CEP350: variants seen among roughly 807,000 people sequenced by gnomAD.
CEP350 encodes centrosomal protein 350.
A neutral mutation model predicts 331.8 loss-of-function variants in CEP350; 126 were observed. The observed-to-expected ratio is 0.38, with a 90% confidence interval of 0.33 to 0.44. The LOEUF (loss-of-function observed/expected upper bound fraction) is 0.44, where lower values mean the gene tolerates loss of function less well. Among genes scored for constraint, CEP350 ranks in the 20% least tolerant of loss-of-function variants. The probability of loss-of-function intolerance (pLI) is 1.00; values close to 1 mark genes in which losing one functional copy is unlikely to be tolerated. For missense variants in CEP350, 3,406 were observed against 3,634.6 expected (o/e 0.94, Z 1.62); for synonymous variants, 1,200 against 1,259.5 (o/e 0.95, Z 1.00).
chr1:179,955,076 C>T lies in CEP350; in HGVS notation c.-80C>T. The stretch of plus-strand genomic sequence containing the variant: ...GCCCTGGGGCCGGTCGGGGCGGCGT[C>T]ACTGCACCCTCCGCCAGGCTCCGCG... On this transcript the variant is annotated 5_prime_UTR_variant, in exon 1 of 38. Transcript: ENST00000367607. The T allele has an allele frequency of 6.9e-7, 1 of 1,452,294 alleles. No individual in the cohort carries two copies. Among genetic ancestry groups the T allele is most frequent in the Non-Finnish European group, 9.0e-7 (1 of 1,105,620 alleles). 90.0% of individuals were successfully genotyped at this position (1,452,294 alleles called of 1,614,324 possible).
intron 26 of CEP350, among the ~76,000 whole-genome samples, chr1:180,064,120 C>T (rs1658403897): frequency 6.6e-6 from 1 of 152,174 alleles, no homozygotes; most frequent in Non-Finnish European, 1.5e-5. Flanking sequence ...CTCACACCCT[C>T]TCTTCCTTGC....
chr1:180,035,984 G>A (rs1558117265), intron 16 of CEP350, among the ~76,000 whole-genome samples: 1 of 152,182 alleles, frequency 6.6e-6, no homozygotes, highest in Non-Finnish European at 1.5e-5. Context: ...ATGCCATTAA[G>A]AACAGTTGTG....
At chr1:179,989,649 T>A (rs1652907226) in intron 3 of CEP350, among the ~76,000 whole-genome samples, 1 of 152,166 alleles carries the variant, frequency 6.6e-6, no homozygotes, top group Admixed American at 6.5e-5. Context: ...TGCTTTTCAG[T>A]CATTGAGAAC....
In CEP350 at chr1:180,007,894, C is replaced by T. The variant is rs1654369182; in HGVS notation, c.1246+1327C>T. Among the ~76,000 whole-genome samples, 5 of 131,840 alleles carry T rather than the reference C, an allele frequency of 3.8e-5. No individual in the cohort carries two copies. The Admixed American group carries it at 4.1e-4, about 11-fold the overall frequency. 86.5% of individuals were successfully genotyped at this position (131,840 alleles called of 152,430 possible). ...TGTGTGTGTGTTAAGGGGTAATTGA[C>T]ATAAACTGCACATATTTAGAATGTA... On this transcript the variant is annotated intron_variant, in intron 8 of 37. Transcript: ENST00000367607.
intron 21 of CEP350, 68 bp from the exon 22 acceptor site, chr1:180,048,468 T>A (rs2148949026): frequency 9.7e-7 from 1 of 1,033,414 alleles, no homozygotes; most frequent in South Asian, 1.5e-5. Context: ...GCCAAATAAG[T>A]TTACTTTGAA....
At chr1:179,997,537 C>T (rs1481551390) in intron 6 of CEP350, among the ~76,000 whole-genome samples, 3 of 139,474 alleles carry the variant, frequency 2.2e-5, no homozygotes, top group Admixed American at 7.2e-5. Context: ...GAGTGAGACT[C>T]GGTCTCAAAA....
At chr1:180,047,298 G>A (rs934698863) in intron 21 of CEP350, among the ~76,000 whole-genome samples, 9 of 152,108 alleles carry the variant, frequency 5.9e-5, no homozygotes, top group African/African-American at 1.4e-4. Flanking sequence ...TATACGTTTC[G>A]TTTGTTGGCT....
chr1:179,989,493 A>G (rs1652895679), intron 3 of CEP350, among the ~76,000 whole-genome samples: 1 of 151,466 alleles, frequency 6.6e-6, no homozygotes, highest in Non-Finnish European at 1.5e-5. Context: ...AAAAAAAAAA[A>G]AAAAAATCTG....
chr1:179,960,485 T>A (rs989448013), intron 1 of CEP350, among the ~76,000 whole-genome samples: 12 of 152,324 alleles, frequency 7.9e-5, no homozygotes, highest in Non-Finnish European at 1.6e-4. Flanking sequence ...TGAGAAATTT[T>A]AATGGAAACA....
At chr1:180,078,710 T>G in intron 29 of CEP350, 36 bp downstream of exon 29, 3 of 1,522,642 alleles carry the variant, frequency 2.0e-6, no homozygotes, top group Non-Finnish European at 2.6e-6. Context: ...AAAGATTCTC[T>G]AGAAAAAAAA....
chr1:180,053,246 C>T, intron 23 of CEP350, 80 bp downstream of exon 23: 1 of 647,422 alleles, frequency 1.5e-6, no homozygotes, highest in Non-Finnish European at 2.4e-6. Context: ...TTGTACTTAT[C>T]TCATTTGTCA....
chr1:179,995,620 A>G (rs372861443), intron 5 of CEP350, among the ~76,000 whole-genome samples: 2 of 152,144 alleles, frequency 1.3e-5, no homozygotes, highest in Non-Finnish European at 2.9e-5. Context: ...CAATCAATCA[A>G]TCAATCTAAA....
At position 179,958,915 on chromosome 1, in the gene CEP350, A is replaced by G. The variant is rs537598969; in HGVS notation, c.-14+3773A>G. ...TTTGCATGTGAATAGAAAAAGGTCT[A>G]TAAGGATAGACATTAAACATGTTAT... On this transcript the variant is annotated intron_variant, in intron 1 of 37. Coordinates refer to ENST00000367607, the MANE Select transcript of CEP350 (RefSeq NM_014810.5). 7.5e-4 allele frequency among the ~76,000 whole-genome samples: 115 copies of G among 152,348 alleles called. 1 individual carries two copies. The highest frequency in any genetic ancestry group is 2.7e-3 in the African/African-American group (111 of 41,586).
intron 32 of CEP350, among the ~76,000 whole-genome samples, chr1:180,089,500 T>A: frequency 6.6e-6 from 1 of 151,746 alleles, no homozygotes; most frequent in African/African-American, 2.4e-5. Context: ...GGAGCATCGC[T>A]TGAACCCGGG....
intron 27 of CEP350, among the ~76,000 whole-genome samples, chr1:180,068,240 T>C (rs1375350316): frequency 2.0e-5 from 3 of 152,230 alleles, no homozygotes; most frequent in Admixed American, 6.5e-5. Context: ...CAGTAATGCC[T>C]TTGTTGAATA....
Position 180,048,663 on chromosome 1 carries a change from T to A in CEP350, c.4750T>A (p.Ser1584Thr), listed in dbSNP as rs760893782. The change falls in exon 22 of 38, where the codon TCT (serine) becomes ACT (threonine). Residue 1584 changes from serine (S) to threonine (T), a missense_variant. Physicochemically the swap from Ser to Thr is moderately conservative, Grantham distance 58. Around this residue, in one of 5 missense-constraint regions of CEP350, gnomAD observed 1,857 missense variants for 1,909.2 expected, o/e 0.97. Coordinates refer to ENST00000367607, the MANE Select transcript of CEP350 (RefSeq NM_014810.5). ...ACAGGTTCAGACTGCTGCAGATGAT[T>A]CTCTACGAAGTGATAGTGTTCCATC... ...DEQVQTAADD[S>T]LRSDSVPSLP... The A allele has an allele frequency of 2.5e-6, 4 of 1,612,696 alleles. No individual in the cohort carries two copies. The highest frequency in any genetic ancestry group is 3.4e-6 in the Non-Finnish European group (4 of 1,179,212).
intron 37 of CEP350, among the ~76,000 whole-genome samples, chr1:180,104,120 T>G (rs1472150260): frequency 6.7e-6 from 1 of 149,554 alleles, no homozygotes; most frequent in African/African-American, 2.4e-5. Context: ...TTTTATCTAA[T>G]ACATCTACAT....
intron 23 of CEP350, among the ~76,000 whole-genome samples, 183 bp from the exon 24 acceptor site, chr1:180,053,567 G>A (rs145000065): frequency 6.6e-6 from 1 of 152,196 alleles, no homozygotes; most frequent in Non-Finnish European, 1.5e-5. Flanking sequence ...AAATTTTATT[G>A]GCTGAATAAA....
rs112262668 is a variant in CEP350, at chr1:180,095,448, ACT to A, written c.8512-72_8512-71del. 3.5e-4 allele frequency: 511 copies of A among 1,480,342 alleles called. No homozygotes were observed. In the African/African-American group the frequency reaches 6.3e-3, roughly 18 times the overall value. 91.7% of individuals were successfully genotyped at this position (1,480,342 alleles called of 1,614,324 possible). On this transcript the variant is annotated intron_variant, in intron 34 of 37. Coordinates refer to ENST00000367607, the MANE Select transcript of CEP350 (RefSeq NM_014810.5). ...TATTAGATATATAAATAATGCATTT[ACT>A]CTGTCTTTTTTTAAAAAAAAATGAT...
Sources: allele counts gnomAD v4.1 joint callset (sites outside exome capture counted in the v4.1 genomes callset), GRCh38; gene constraint gnomAD v4.1.1; regional missense constraint gnomAD v4.1.1; transcripts MANE v1.5; gene names NCBI Gene and HGNC (gene_info 2026-07-23, HGNC 2026-07-21).